RUFY3: variants seen among roughly 807,000 people sequenced by gnomAD.
RUFY3 encodes the protein protein RUFY3.
RUFY3 carries 34 observed loss-of-function variants against 84.0 expected under a neutral mutation model. That is an observed-to-expected ratio of 0.40 (90% CI 0.31 to 0.54). RUFY3 has a LOEUF of 0.54. RUFY3 is among the 20% of genes least tolerant of loss of function. The pLI is 0.39. For missense variants in RUFY3, 507 were observed against 736.8 expected (o/e 0.69, Z 3.61); for synonymous variants, 242 against 252.9 (o/e 0.96, Z 0.41).
chr4:70,722,867 G>A lies in RUFY3; in HGVS notation c.178+116G>A, dbSNP rs958174175. 3.5e-5 allele frequency: 34 copies of A among 974,940 alleles called. No homozygotes were observed. In the African/African-American group the frequency reaches 4.5e-4, roughly 13 times the overall value. The allele number at this position is 974,940 out of a possible 1,614,324, so 60.4% of individuals were successfully genotyped here. ...TACACTCTCAACTGTTAACAGTCCT[G>A]AAAACCTTGCATCCTTACTTACCAC... On this transcript the variant is annotated intron_variant, in intron 1 of 17. Coordinates refer to ENST00000381006, the MANE Select transcript of RUFY3 (RefSeq NM_001037442.4).
chr4:70,743,175 TTC>T (rs953541548), intron 1 of RUFY3, among the ~76,000 whole-genome samples: 28 of 152,266 alleles, frequency 1.8e-4, no homozygotes, highest in African/African-American at 6.3e-4. Flanking sequence ...GTTCAAGCAA[TTC>T]TCCTGCCTCA....
intron 1 of RUFY3, among the ~76,000 whole-genome samples, chr4:70,706,715 T>C (rs1222571443): frequency 1.3e-5 from 2 of 152,180 alleles, no homozygotes; most frequent in East Asian, 1.9e-4. Flanking sequence ...ACACTGACCA[T>C]TGACTGTCTT....
chr4:70,776,366 G>C (rs1393630214), intron 7 of RUFY3, among the ~76,000 whole-genome samples: 1 of 152,026 alleles, frequency 6.6e-6, no homozygotes, highest in Non-Finnish European at 1.5e-5. Flanking sequence ...CTTCTTCCTA[G>C]TTTTCTCAGG....
intron 1 of RUFY3, among the ~76,000 whole-genome samples, chr4:70,730,445 A>T (rs1488371558): frequency 6.6e-6 from 1 of 152,008 alleles, no homozygotes; most frequent in Non-Finnish European, 1.5e-5. Context: ...ATTTACAAAT[A>T]AACTGACATT....
intron 14 of RUFY3, among the ~76,000 whole-genome samples, chr4:70,799,101 T>G (rs1417483073): frequency 3.9e-4 from 56 of 142,564 alleles, no homozygotes; most frequent in Non-Finnish European, 9.0e-5. Flanking sequence ...GCCGAGATCA[T>G]GCCACTGCAC....
intron 1 of RUFY3, among the ~76,000 whole-genome samples, chr4:70,758,546 C>T (rs1724426373): frequency 6.6e-6 from 1 of 152,008 alleles, no homozygotes; most frequent in Admixed American, 6.6e-5. Context: ...TGTTCATTTA[C>T]AATGAGCAAT....
At chr4:70,803,223 C>G in intron 16 of RUFY3, 1 of 391,788 alleles carries the variant, frequency 2.6e-6, no homozygotes, top group Non-Finnish European at 4.5e-6. Flanking sequence ...GACATAAGAT[C>G]TAGGAGAGCT....
intron 1 of RUFY3, among the ~76,000 whole-genome samples, chr4:70,753,446 T>C (rs1723459614): frequency 6.6e-6 from 1 of 152,226 alleles, no homozygotes; most frequent in Non-Finnish European, 1.5e-5. Flanking sequence ...TATACATGTA[T>C]GTTGGTTGCC....
intron 10 of RUFY3, among the ~76,000 whole-genome samples, chr4:70,785,674 CAAAA>C (rs529555155): frequency 1.5e-5 from 2 of 133,370 alleles, no homozygotes; most frequent in African/African-American, 5.5e-5. Flanking sequence ...ACTAAAAATA[CAAAA>C]AAAAAAAAAT....
chr4:70,740,783 A>G (rs1450837045), intron 1 of RUFY3, among the ~76,000 whole-genome samples: 2 of 151,392 alleles, frequency 1.3e-5, no homozygotes, highest in East Asian at 3.9e-4. Context: ...AACTCACAGT[A>G]TTTTTTTTTC....
chr4:70,746,744 C>T (rs1266234650), intron 1 of RUFY3, among the ~76,000 whole-genome samples: 1 of 152,150 alleles, frequency 6.6e-6, no homozygotes, highest in Non-Finnish European at 1.5e-5. Flanking sequence ...ATACATGCAA[C>T]AACCTGAATG....
intron 1 of RUFY3, among the ~76,000 whole-genome samples, chr4:70,708,776 G>T (rs559924561): frequency 3.3e-5 from 5 of 152,124 alleles, no homozygotes; most frequent in Admixed American, 1.3e-4. Flanking sequence ...CTGGAACGGT[G>T]GCTCAAGCCT....
rs560405801 is a variant in RUFY3 at position 70,786,258 on chromosome 4, A to G, written c.1071+1379A>G. Among the ~76,000 whole-genome samples, 13 of 152,320 alleles carry G rather than the reference A, an allele frequency of 8.5e-5. No individual in the cohort carries two copies. In the East Asian group the frequency reaches 2.5e-3, roughly 29 times the overall value. On this transcript the variant is annotated intron_variant, in intron 10 of 17. Transcript: ENST00000381006. Reference sequence around the variant, plus strand: ...ACCAGAGGGAGAGGAGGCAGGGGATAGTAAGAGATTGGTCAACAGGTACAA... The same window carrying G: ...ACCAGAGGGAGAGGAGGCAGGGGATGGTAAGAGATTGGTCAACAGGTACAA...
intron 1 of RUFY3, among the ~76,000 whole-genome samples, chr4:70,735,460 C>G (rs1720113551): frequency 6.6e-6 from 1 of 152,092 alleles, no homozygotes; most frequent in Non-Finnish European, 1.5e-5. Flanking sequence ...AGACTTCTTC[C>G]CAAATGGCTG....
In RUFY3 at chr4:70,808,239, G is replaced by T. The variant is rs1392805800; in HGVS notation, c.*1580G>T. Among the ~76,000 whole-genome samples the T allele has an allele frequency of 1.3e-5, 2 of 152,104 alleles. No individual in the cohort carries two copies. Among genetic ancestry groups the T allele is most frequent in the Non-Finnish European group, 2.9e-5 (2 of 68,028 alleles). ...TGATTGGCAGTTGGTTGAAGCCATGGATGCAGAACCCATGGATATGGAGGG... is the reference window on the plus strand; with the variant it reads ...TGATTGGCAGTTGGTTGAAGCCATGTATGCAGAACCCATGGATATGGAGGG... On this transcript the variant is annotated 3_prime_UTR_variant, in exon 18 of 18. Coordinates refer to ENST00000381006, the MANE Select transcript of RUFY3 (RefSeq NM_001037442.4).
At chr4:70,757,352 C>A (rs1724204166) in intron 1 of RUFY3, among the ~76,000 whole-genome samples, 1 of 152,020 alleles carries the variant, frequency 6.6e-6, no homozygotes, top group African/African-American at 2.4e-5. Context: ...TGCCTGTAAT[C>A]CCAGCACTTT....
At chr4:70,783,539 T>A (rs1362964891) in intron 9 of RUFY3, among the ~76,000 whole-genome samples, 1 of 152,268 alleles carries the variant, frequency 6.6e-6, no homozygotes, top group Non-Finnish European at 1.5e-5. Context: ...ACCTTATTTA[T>A]ATATCACTGG....
rs1279569726 is a variant in RUFY3, at chr4:70,745,722, T to A, written c.179-16797T>A. ...CATGTTGAAAAACAGAAGAAACATATCTTAAGAGATTTTATTAGCTTCTAG... is the reference window on the plus strand; with the variant it reads ...CATGTTGAAAAACAGAAGAAACATAACTTAAGAGATTTTATTAGCTTCTAG... On this transcript the variant is annotated intron_variant, in intron 1 of 17. Transcript: ENST00000381006. Among the ~76,000 whole-genome samples the A allele has an allele frequency of 2.0e-5, 3 of 152,126 alleles. No homozygotes were observed. The East Asian group carries it at 5.8e-4, about 29-fold the overall frequency.
At chr4:70,803,496 C>T (rs1732495876) in intron 16 of RUFY3, among the ~76,000 whole-genome samples, 1 of 151,528 alleles carries the variant, frequency 6.6e-6, no homozygotes, top group Admixed American at 6.6e-5. Flanking sequence ...CTCACATTGC[C>T]CAAGCTGGGG....
Sources: gnomAD v4.1 joint callset for allele counts (sites outside exome capture counted in the v4.1 genomes callset) on GRCh38, gnomAD v4.1.1 for gene constraint, MANE v1.5 for transcripts, NCBI Gene and HGNC (gene_info 2026-07-23, HGNC 2026-07-21) for gene names.